The following ESF1 variants were observed in gnomAD, a reference collection of about 807,000 sequenced individuals.
The protein encoded by ESF1 is ESF1 nucleolar pre-rRNA processing protein.
In ESF1, 58 loss-of-function variants were observed where a neutral mutation model predicts 92.0. The ratio of observed to expected loss-of-function variants is 0.63; its 90% CI spans 0.51 to 0.78. The LOEUF (loss-of-function observed/expected upper bound fraction) is 0.78, where lower values mean the gene tolerates loss of function less well. ESF1 is among the 30% of genes least tolerant of loss of function. The pLI, the probability that ESF1 is intolerant of heterozygous loss-of-function variation, is 0.00. For synonymous variants in ESF1, 321 were observed against 313.7 expected (o/e 1.02, Z -0.24); for missense variants, 922 against 989.1 (o/e 0.93, Z 0.91).
Position 13,784,902 on chromosome 20 carries a change from C to G in ESF1, c.-66G>C, listed in dbSNP as rs528924057. 9.3e-6 allele frequency: 6 copies of G among 644,280 alleles called. No individual in the cohort carries two copies. In the African/African-American group the frequency reaches 1.1e-4, roughly 12 times the overall value. 39.9% of individuals were successfully genotyped at this position (644,280 alleles called of 1,614,324 possible). A position where few individuals can be genotyped will look rare whatever the true frequency, so the allele number is the denominator to read the frequency against. ...CACCGTCCGCAGTCCTACCAAGCCT[C>G]ACGTGGGGCTCACACCCACAATCCT... On this transcript the variant is annotated 5_prime_UTR_variant, in exon 1 of 14. Transcript: ENST00000617257.
chr20:13,781,958 C>T (rs1012192059), intron 2 of ESF1, among the ~76,000 whole-genome samples: 36 of 152,178 alleles, frequency 2.4e-4, no homozygotes, highest in African/African-American at 8.7e-4. Context: ...CTTATTGCAA[C>T]CTCCACCTCC....
At chr20:13,751,856 G>A (rs147327946) in intron 9 of ESF1, among the ~76,000 whole-genome samples, 1,715 of 152,178 alleles carry the variant, frequency 0.011, 41 homozygotes, top group African/African-American at 0.038. Flanking sequence ...TTAGCTGGGC[G>A]TAGTGGCCCA....
chr20:13,772,450 C>A, intron 5 of ESF1, 65 bp downstream of exon 5: 2 of 1,236,206 alleles, frequency 1.6e-6, no homozygotes, highest in Non-Finnish European at 2.4e-6. Context: ...TTAAGGTGAC[C>A]AGAATTCTGA....
At position 13,730,729 on chromosome 20, in the gene ESF1, T is replaced by G. The variant is rs370141810; in HGVS notation, c.1951-2264A>C. Among the ~76,000 whole-genome samples, 6 of 151,884 alleles carry G rather than the reference T, an allele frequency of 4.0e-5. No homozygotes were observed. The East Asian group carries it at 7.7e-4, about 20-fold the overall frequency. On this transcript the variant is annotated intron_variant, in intron 10 of 13. Coordinates refer to ENST00000617257, the MANE Select transcript of ESF1 (RefSeq NM_001276380.2). Reference sequence around the variant, plus strand: ...TTTTTTTTTTTTTTTACCAAACTATTTTATGGATTCAGCAGTAACATACTT... The same window carrying G: ...TTTTTTTTTTTTTTTACCAAACTATGTTATGGATTCAGCAGTAACATACTT...
intron 11 of ESF1, among the ~76,000 whole-genome samples, chr20:13,723,369 C>T (rs6042318): frequency 0.59 from 89,986 of 151,474 alleles, 27,111 homozygotes; most frequent in East Asian, 0.85. Context: ...TCTGGTGCTG[C>T]TTTACAATGT....
chr20:13,784,469 G>C (rs943157683), intron 1 of ESF1, among the ~76,000 whole-genome samples: 1 of 152,140 alleles, frequency 6.6e-6, no homozygotes, highest in Non-Finnish European at 1.5e-5. Flanking sequence ...GAGAAGTACT[G>C]CATGTATTGT....
intron 11 of ESF1, among the ~76,000 whole-genome samples, chr20:13,726,174 C>T (rs1385956894): frequency 6.6e-6 from 1 of 152,158 alleles, no homozygotes; most frequent in East Asian, 1.9e-4. Flanking sequence ...TCTTCACAGG[C>T]ACCAGAGTAA....
At chr20:13,747,256 T>C (rs2050055709) in intron 9 of ESF1, among the ~76,000 whole-genome samples, 1 of 102,510 alleles carries the variant, frequency 9.8e-6, no homozygotes. Context: ...AAATGAGTTG[T>C]ATATTAAAAA....
chr20:13,779,032 C>T (rs1038282457), intron 2 of ESF1, among the ~76,000 whole-genome samples: 7 of 151,974 alleles, frequency 4.6e-5, no homozygotes, highest in African/African-American at 1.2e-4. Flanking sequence ...GGCAGCAGAG[C>T]GAGACCCTGT....
At chr20:13,716,709 T>G (rs1215988058) in intron 13 of ESF1, among the ~76,000 whole-genome samples, 1 of 147,682 alleles carries the variant, frequency 6.8e-6, no homozygotes, top group Non-Finnish European at 1.5e-5. Context: ...GCCACAATCA[T>G]GGCTCACTGC....
At chr20:13,762,853 A>AAT in intron 8 of ESF1, 1 of 278,458 alleles carries the variant, frequency 3.6e-6, no homozygotes, top group South Asian at 2.8e-5. Context: ...TATTTATTAA[A>AAT]GTTTTTTTTT....
At chr20:13,759,958 T>G (rs764068220) in intron 8 of ESF1, 105 bp from the exon 9 acceptor site, 17 of 1,418,182 alleles carry the variant, frequency 1.2e-5, no homozygotes, top group Non-Finnish European at 1.6e-5. Flanking sequence ...GACCACAGGA[T>G]ATCAAAATCA....
In ESF1 at chr20:13,745,785, A is replaced by G. The variant is rs143590427; in HGVS notation, c.1829-11943T>C. Reference sequence around the variant, plus strand: ...TTACTTTTTAAAAAGGCAAATGACAAGAATACACAGAGGATGCTTTTATAA... The same window carrying G: ...TTACTTTTTAAAAAGGCAAATGACAGGAATACACAGAGGATGCTTTTATAA... On this transcript the variant is annotated intron_variant, in intron 9 of 13. Transcript: ENST00000617257. Among the ~76,000 whole-genome samples, 122 of 152,230 alleles carry G rather than the reference A, an allele frequency of 8.0e-4. 1 individual carries two copies. Among genetic ancestry groups the G allele is most frequent in the African/African-American group, 2.5e-3 (104 of 41,550 alleles).
chr20:13,782,934 C>T lies in ESF1; in HGVS notation c.207G>A (p.Lys69=), dbSNP rs1980282033. The T allele has an allele frequency of 6.2e-7, 1 of 1,614,086 alleles. No homozygotes were observed. The highest frequency in any genetic ancestry group is 8.5e-7 in the Non-Finnish European group (1 of 1,180,030). ...PISHSTTEDL[K]RFYDLSDSDS... ...CAGAATCTGAAAGGTCGTAAAAACG[C>T]TTCAAATCCTCTGTAGTGCTATGGC... The change falls in exon 2 of 14, where the codon AAG becomes AAA. Residue 69 remains lysine (K), a synonymous_variant. Transcript: ENST00000617257.
At chr20:13,730,249 T>C (rs748262556) in intron 10 of ESF1, among the ~76,000 whole-genome samples, 6 of 151,348 alleles carry the variant, frequency 4.0e-5, no homozygotes, top group Non-Finnish European at 7.4e-5. Context: ...ATTTTTTGTA[T>C]TTTTAGTAGA....
At chr20:13,737,803 G>A (rs538262820) in intron 9 of ESF1, among the ~76,000 whole-genome samples, 2 of 151,696 alleles carry the variant, frequency 1.3e-5, no homozygotes, top group South Asian at 2.1e-4. Context: ...ACAGGCGCAC[G>A]CCACCATGCC....
At chr20:13,736,425 T>C (rs2049975986) in intron 9 of ESF1, among the ~76,000 whole-genome samples, 1 of 152,198 alleles carries the variant, frequency 6.6e-6, no homozygotes, top group South Asian at 2.1e-4. Context: ...GTATTTTACT[T>C]GGTGCTTGAT....
At chr20:13,764,409 A>C (rs1979336996) in intron 8 of ESF1, among the ~76,000 whole-genome samples, 1 of 152,202 alleles carries the variant, frequency 6.6e-6, no homozygotes, top group East Asian at 1.9e-4. Flanking sequence ...CTTTATGTCT[A>C]CAAAGTGAGC....
intron 9 of ESF1, among the ~76,000 whole-genome samples, chr20:13,739,913 C>T (rs937046572): frequency 6.6e-6 from 1 of 152,130 alleles, no homozygotes; most frequent in African/African-American, 2.4e-5. Flanking sequence ...GAGACCACTA[C>T]ATTAAGCCAA....
Sources: gnomAD v4.1 joint callset for allele counts (sites outside exome capture counted in the v4.1 genomes callset) on GRCh38, gnomAD v4.1.1 for gene constraint, MANE v1.5 for transcripts, NCBI Gene and HGNC (gene_info 2026-07-23, HGNC 2026-07-21) for gene names.